BAZ2B: variants seen among roughly 807,000 people sequenced by gnomAD.
The protein encoded by BAZ2B is bromodomain adjacent to zinc finger domain protein 2B.
A neutral mutation model predicts 246.0 loss-of-function variants in BAZ2B; 91 were observed. That is an observed-to-expected ratio of 0.37 (90% CI 0.31 to 0.44). The LOEUF (loss-of-function observed/expected upper bound fraction) is 0.44. BAZ2B is among the 20% of genes least tolerant of loss of function. BAZ2B has a pLI of 1.00. For synonymous variants in BAZ2B, 855 were observed against 860.0 expected (o/e 0.99, Z 0.10); for missense variants, 2,332 against 2,533.7 (o/e 0.92, Z 1.71).
intron 36 of BAZ2B, among the ~76,000 whole-genome samples, chr2:159,322,724 T>G (rs562618158): frequency 2.0e-5 from 3 of 152,292 alleles, no homozygotes; most frequent in African/African-American, 7.2e-5. Flanking sequence ...GAAAAATTCA[T>G]GTAAGTAGGC....
chr2:159,504,007 T>C (rs1326355756), intron 2 of BAZ2B, among the ~76,000 whole-genome samples: 3 of 152,198 alleles, frequency 2.0e-5, no homozygotes. Flanking sequence ...GTAAACTTAG[T>C]AAGGCAAAAG....
chr2:159,361,771 A>C (rs532831065), intron 27 of BAZ2B, among the ~76,000 whole-genome samples: 128 of 152,340 alleles, frequency 8.4e-4, no homozygotes, highest in African/African-American at 2.9e-3. Flanking sequence ...AATACTATGC[A>C]GCCATAAAAA....
chr2:159,335,374 C>T (rs2065454326), intron 33 of BAZ2B, among the ~76,000 whole-genome samples: 1 of 151,956 alleles, frequency 6.6e-6, no homozygotes, highest in South Asian at 2.1e-4. Flanking sequence ...TGGTGAAACA[C>T]TGTCTTTACT....
chr2:159,702,803 C>T, the BAZ2B span, among the ~76,000 whole-genome samples: 41 of 152,144 alleles, frequency 2.7e-4, 1 homozygote, highest in Admixed American at 1.1e-3. Context: ...CACTTTGGGA[C>T]GCCGAGGCGG....
At chr2:159,408,614 A>T (rs2066326109) in intron 14 of BAZ2B, among the ~76,000 whole-genome samples, 2 of 152,154 alleles carry the variant, frequency 1.3e-5, no homozygotes, top group South Asian at 4.1e-4. Context: ...TTGGAAAAGA[A>T]GATGATGTGA....
intron 8 of BAZ2B, 68 bp downstream of exon 8, chr2:159,438,235 G>A (rs781776523): frequency 2.2e-6 from 3 of 1,376,620 alleles, no homozygotes; most frequent in Non-Finnish European, 3.0e-6. Context: ...CTTGTGTATT[G>A]TAAGACAATA....
chr2:159,352,918 T>A (rs1032421580), intron 27 of BAZ2B, among the ~76,000 whole-genome samples: 4 of 152,184 alleles, frequency 2.6e-5, no homozygotes, highest in African/African-American at 7.2e-5. Context: ...GGTGGAAGGA[T>A]CGCTTGAGCC....
chr2:159,684,124 C>A, the BAZ2B span, among the ~76,000 whole-genome samples: 4 of 152,220 alleles, frequency 2.6e-5, 1 homozygote, highest in Non-Finnish European at 5.9e-5. Flanking sequence ...ACATGAGATT[C>A]ATCCATGTTG....
At chr2:159,711,281 T>C in the BAZ2B span, among the ~76,000 whole-genome samples, 165 of 152,360 alleles carry the variant, frequency 1.1e-3, no homozygotes, top group South Asian at 0.019. Flanking sequence ...CTTTATCCCA[T>C]ACCAGATGCT....
chr2:159,552,473 G>A (rs1467490291), intron 2 of BAZ2B, among the ~76,000 whole-genome samples: 1 of 152,092 alleles, frequency 6.6e-6, no homozygotes, highest in East Asian at 1.9e-4. Context: ...AATAAAAATT[G>A]AATTTAAATT....
intron 14 of BAZ2B, among the ~76,000 whole-genome samples, chr2:159,409,365 C>T (rs1375372806): frequency 2.0e-5 from 3 of 152,112 alleles, no homozygotes; most frequent in Non-Finnish European, 4.4e-5. Context: ...TGAATAGGTG[C>T]TACTTCATAT....
rs571542965 is a variant in BAZ2B at position 159,579,721 on chromosome 2, C to T, written c.-45-23856G>A. On this transcript the variant is annotated intron_variant, in intron 1 of 36. Coordinates refer to ENST00000392783, the MANE Select transcript of BAZ2B (RefSeq NM_013450.4). Reference sequence around the variant, plus strand: ...TCCAGCAGCAAAAGCTTATCCAACACGATCACATTGGCTTCATCCCTGGGA... The same window carrying T: ...TCCAGCAGCAAAAGCTTATCCAACATGATCACATTGGCTTCATCCCTGGGA... 7.9e-5 allele frequency among the ~76,000 whole-genome samples: 12 copies of T among 152,220 alleles called. No homozygotes were observed. In the East Asian group the frequency reaches 1.4e-3, roughly 17 times the overall value.
At chr2:159,543,424 T>C (rs1488628687) in intron 2 of BAZ2B, among the ~76,000 whole-genome samples, 2 of 152,142 alleles carry the variant, frequency 1.3e-5, no homozygotes, top group Non-Finnish European at 2.9e-5. Flanking sequence ...TACTTTTTTT[T>C]TCTCTCTCAA....
intron 3 of BAZ2B, among the ~76,000 whole-genome samples, chr2:159,477,245 C>G (rs1044775328): frequency 6.6e-6 from 1 of 152,042 alleles, no homozygotes; most frequent in East Asian, 1.9e-4. Context: ...GTGGAGCTTG[C>G]AGTGAGCCAA....
chr2:159,684,115 CAT>C, the BAZ2B span, among the ~76,000 whole-genome samples: 2 of 152,212 alleles, frequency 1.3e-5, no homozygotes, highest in Non-Finnish European at 2.9e-5. Context: ...GCATAATACA[CAT>C]GAGATTCATC....
chr2:159,421,492 T>C (rs1461339217), intron 13 of BAZ2B, among the ~76,000 whole-genome samples: 1 of 152,142 alleles, frequency 6.6e-6, no homozygotes, highest in Non-Finnish European at 1.5e-5. Flanking sequence ...CCCGTTTCAT[T>C]TGTAATCCTA....
chr2:159,633,738 C>CTTTTTTT, the BAZ2B span, among the ~76,000 whole-genome samples: 2 of 120,280 alleles, frequency 1.7e-5, no homozygotes, highest in South Asian at 2.7e-4. Flanking sequence ...TCACTTTATT[C>CTTTTTTT]TTTTTTTTTT....
the BAZ2B span, among the ~76,000 whole-genome samples, chr2:159,655,801 C>T: frequency 2.6e-5 from 4 of 152,150 alleles, no homozygotes; most frequent in East Asian, 5.8e-4. Context: ...TATTTGGTTC[C>T]GTTTCTATAG....
chr2:159,337,816 T>C (rs1452607293), intron 31 of BAZ2B, 44 bp from the exon 32 acceptor site: 1 of 1,558,756 alleles, frequency 6.4e-7, no homozygotes, highest in African/African-American at 1.4e-5. Context: ...CCTCTTAAAA[T>C]GCTAGGTGGG....
Sources: gnomAD v4.1 joint callset for allele counts (sites outside exome capture counted in the v4.1 genomes callset) on GRCh38, gnomAD v4.1.1 for gene constraint, MANE v1.5 for transcripts, NCBI Gene and HGNC (gene_info 2026-07-23, HGNC 2026-07-21) for gene names.